RASA3: variants seen among roughly 807,000 people sequenced by gnomAD.
The protein encoded by RASA3 is RAS p21 protein activator 3.
RASA3 carries 73 observed loss-of-function variants against 110.0 expected under a neutral mutation model. The ratio of observed to expected loss-of-function variants is 0.66; its 90% CI spans 0.55 to 0.81. The LOEUF (loss-of-function observed/expected upper bound fraction) is 0.81, where lower values mean the gene tolerates loss of function less well. Ranked by LOEUF, RASA3 falls within the 30% of genes least tolerant of loss-of-function variation. The pLI is 0.00. For missense variants in RASA3, 976 were observed against 1,113.2 expected (o/e 0.88, Z 1.75); for synonymous variants, 500 against 451.4 (o/e 1.11, Z -1.37).
chr13:114,105,896 G>A (rs75768633), intron 1 of RASA3, among the ~76,000 whole-genome samples: 3 of 152,206 alleles, frequency 2.0e-5, no homozygotes, highest in South Asian at 2.1e-4. Context: ...GGGAATCAGC[G>A]TGGGGGAAAG....
At chr13:114,069,669 A>G (rs111216596) in intron 2 of RASA3, among the ~76,000 whole-genome samples, 175 of 1,304 alleles carry the variant, frequency 0.13, no homozygotes, top group Middle Eastern at 0.33. Context: ...CGGGAAACTG[A>G]GGGGGCCGGG....
intron 2 of RASA3, among the ~76,000 whole-genome samples, chr13:114,069,282 G>A (rs1007541617): frequency 9.2e-5 from 14 of 151,912 alleles, no homozygotes; most frequent in African/African-American, 2.9e-4. Context: ...GCTCCTGCCC[G>A]GCTGCAGACC....
intron 4 of RASA3, among the ~76,000 whole-genome samples, chr13:114,034,274 G>A (rs1436680041): frequency 3.3e-5 from 5 of 152,264 alleles, no homozygotes; most frequent in East Asian, 3.8e-4. Flanking sequence ...CTCAAATGCC[G>A]GGCGCAAACT....
intron 9 of RASA3, 73 bp from the exon 10 acceptor site, chr13:114,018,992 GCTGC>G: frequency 2.5e-6 from 4 of 1,578,332 alleles, no homozygotes; most frequent in Non-Finnish European, 3.5e-6. Context: ...GGGAAGCCCA[GCTGC>G]CTGCTTGAGG....
At chr13:114,008,619 A>G (rs2053566528) in intron 17 of RASA3, among the ~76,000 whole-genome samples, 1 of 20,088 alleles carries the variant, frequency 5.0e-5, no homozygotes, top group African/African-American at 4.7e-4. Context: ...TTCCCCACGC[A>G]CCGCGTTCCT....
intron 1 of RASA3, among the ~76,000 whole-genome samples, chr13:114,075,209 C>T (rs1052848343): frequency 1.3e-5 from 2 of 152,208 alleles, no homozygotes; most frequent in African/African-American, 4.8e-5. Context: ...AGAAGTTTCT[C>T]AGAACCCCAC....
At chr13:114,017,375 C>T (rs199603035) in intron 11 of RASA3, 24 bp from the exon 12 acceptor site, 7 of 1,579,916 alleles carry the variant, frequency 4.4e-6, no homozygotes, top group Middle Eastern at 1.7e-4. Flanking sequence ...ATGGGGACAG[C>T]GTTTGTCTCC....
intron 1 of RASA3, among the ~76,000 whole-genome samples, chr13:114,120,642 A>G (rs1382489891): frequency 1.3e-5 from 2 of 152,236 alleles, no homozygotes; most frequent in African/African-American, 2.4e-5. Context: ...ATGCCGTTCA[A>G]GGGGTCTGGA....
intron 4 of RASA3, among the ~76,000 whole-genome samples, chr13:114,034,089 G>C (rs567070078): frequency 1.3e-5 from 2 of 151,634 alleles, no homozygotes; most frequent in South Asian, 2.1e-4. Context: ...CAGCCGGGCA[G>C]TGGGCCTGCT....
At chr13:114,131,368 G>A (rs1318849934) in intron 1 of RASA3, among the ~76,000 whole-genome samples, 1 of 152,212 alleles carries the variant, frequency 6.6e-6, no homozygotes, top group East Asian at 1.9e-4. Context: ...GAACCGCGCT[G>A]TGGTCCAGCA....
At chr13:114,131,701 C>T (rs1251571793) in intron 1 of RASA3, among the ~76,000 whole-genome samples, 1 of 152,260 alleles carries the variant, frequency 6.6e-6, no homozygotes, top group Non-Finnish European at 1.5e-5. Flanking sequence ...CAGAACGCCC[C>T]ACCAGCACAC....
At chr13:114,026,655 G>A (rs1012067275) in intron 7 of RASA3, among the ~76,000 whole-genome samples, 4 of 152,188 alleles carry the variant, frequency 2.6e-5, no homozygotes, top group South Asian at 2.1e-4. Context: ...AGGGGAGCCC[G>A]CCCGACCCCT....
chr13:114,047,774 T>G (rs1045593150), intron 3 of RASA3, among the ~76,000 whole-genome samples: 10 of 152,178 alleles, frequency 6.6e-5, no homozygotes, highest in African/African-American at 2.4e-4. Flanking sequence ...GCACGGCCCC[T>G]CCAGGGTTTG....
At chr13:114,052,926 G>A (rs563048481) in intron 2 of RASA3, among the ~76,000 whole-genome samples, 29 of 124,048 alleles carry the variant, frequency 2.3e-4, no homozygotes, top group African/African-American at 8.6e-4. Context: ...GACCCCCGCT[G>A]CTGACTGTAC....
chr13:113,994,474 AG>A lies in RASA3; in HGVS notation c.2142-1887del, dbSNP rs768510339. Among the ~76,000 whole-genome samples, 8 of 152,264 alleles carry A rather than the reference AG, an allele frequency of 5.3e-5. No individual in the cohort carries two copies. In the East Asian group the frequency reaches 1.3e-3, roughly 26 times the overall value. The stretch of plus-strand genomic sequence containing the variant: ...ATGAAATGCATTTATCATAAAAAAA[AG>A]AAGAAAGAAGATGAAGTGACCAACA... On this transcript the variant is annotated intron_variant, in intron 21 of 23. Transcript: ENST00000334062.
chr13:114,024,144 T>C, intron 8 of RASA3, 135 bp downstream of exon 8: 2 of 932,938 alleles, frequency 2.1e-6, no homozygotes, highest in Non-Finnish European at 3.4e-6. Flanking sequence ...ACTTCTAACA[T>C]CCTGTTGTGA....
chr13:114,022,660 A>T (rs2053950586), intron 8 of RASA3, among the ~76,000 whole-genome samples: 1 of 152,224 alleles, frequency 6.6e-6, no homozygotes, highest in African/African-American at 2.4e-5. Context: ...TTTCAGAAGG[A>T]ACATGAGGGG....
intron 2 of RASA3, 45 bp downstream of exon 2, chr13:114,073,675 C>G (rs751110912): frequency 1.3e-6 from 2 of 1,488,946 alleles, no homozygotes; most frequent in Non-Finnish European, 1.9e-6. Context: ...TTCTCTACAC[C>G]AAAGAAAACA....
chr13:113,999,876 G>T (rs1378667297), intron 19 of RASA3, among the ~76,000 whole-genome samples: 11 of 51,710 alleles, frequency 2.1e-4, no homozygotes, highest in African/African-American at 8.7e-4. Context: ...TCTGCCAGGG[G>T]GTCTCTGCCA....
Sources: gnomAD v4.1 joint callset for allele counts (sites outside exome capture counted in the v4.1 genomes callset) on GRCh38, gnomAD v4.1.1 for gene constraint, MANE v1.5 for transcripts, NCBI Gene and HGNC (gene_info 2026-07-23, HGNC 2026-07-21) for gene names.